The following ARHGEF7 variants were observed in gnomAD, a reference collection of about 807,000 sequenced individuals.
ARHGEF7 encodes Rho guanine nucleotide exchange factor 7.
ARHGEF7 carries 33 observed loss-of-function variants against 109.8 expected under a neutral mutation model. The observed-to-expected ratio is 0.30, with a 90% confidence interval of 0.23 to 0.40. The LOEUF is 0.40. Among genes scored for constraint, ARHGEF7 ranks in the 10% least tolerant of loss-of-function variants. The probability of loss-of-function intolerance (pLI) is 1.00; values close to 1 mark genes in which losing one functional copy is unlikely to be tolerated. For missense variants in ARHGEF7, 938 were observed against 1,098.5 expected (o/e 0.85, Z 2.07); for synonymous variants, 458 against 424.6 (o/e 1.08, Z -0.97).
chr13:111,115,619 G>C lies in ARHGEF7; in HGVS notation c.93G>C (p.Leu31=), dbSNP rs748086058. Residue 31 remains leucine, a synonymous_variant, in exon 1 of 22, where the codon CTG becomes CTC. Coordinates refer to ENST00000646102, the MANE Select transcript of ARHGEF7 (RefSeq NM_001354046.2). ...CCATCTCGGACCCGGAGGGCTTTCTGCAGGCGTCGCTGAAGGATGGGGTGG... is the reference window on the plus strand; with the variant it reads ...CCATCTCGGACCCGGAGGGCTTTCTCCAGGCGTCGCTGAAGGATGGGGTGG... ...KKTISDPEGF[L]QASLKDGVVL... 21 of 1,405,488 alleles carry C rather than the reference G, an allele frequency of 1.5e-5. No individual in the cohort carries two copies. The African/African-American group carries it at 2.4e-4, about 16-fold the overall frequency. The allele number at this position is 1,405,488 out of a possible 1,614,324, so 87.1% of individuals were successfully genotyped here. A position where few individuals can be genotyped will look rare whatever the true frequency, so the allele number is the denominator to read the frequency against.
chr13:111,208,039 A>G (rs2096321), intron 3 of ARHGEF7, among the ~76,000 whole-genome samples: 138,505 of 152,250 alleles, frequency 0.91, 63,047 homozygotes, highest in South Asian at 0.94. Flanking sequence ...GGAAGGCAAT[A>G]CCCGTACGTT....
At chr13:111,138,570 T>C (rs2075198458) in intron 1 of ARHGEF7, among the ~76,000 whole-genome samples, 1 of 152,204 alleles carries the variant, frequency 6.6e-6, no homozygotes, top group Non-Finnish European at 1.5e-5. Flanking sequence ...CCGTAGCCTC[T>C]TTCTAACTCG....
At chr13:111,295,766 T>C (rs2093413942) in intron 19 of ARHGEF7, among the ~76,000 whole-genome samples, 1 of 152,212 alleles carries the variant, frequency 6.6e-6, no homozygotes, top group African/African-American at 2.4e-5. Context: ...TGGAGAGAGA[T>C]TACTAAATCG....
chr13:111,134,102 T>C (rs1433333426), intron 1 of ARHGEF7, among the ~76,000 whole-genome samples: 2 of 152,114 alleles, frequency 1.3e-5, no homozygotes, highest in East Asian at 3.9e-4. Context: ...TTCATCCATG[T>C]CCCTACAAAG....
At chr13:111,248,668 T>A (rs568762435) in intron 8 of ARHGEF7, among the ~76,000 whole-genome samples, 1 of 152,344 alleles carries the variant, frequency 6.6e-6, no homozygotes, top group African/African-American at 2.4e-5. Flanking sequence ...GTTTGAGAAT[T>A]TTTTTCAGTT....
At chr13:111,153,877 C>T (rs1356094325) in intron 1 of ARHGEF7, 28 bp from the exon 2 acceptor site, 2 of 1,582,404 alleles carry the variant, frequency 1.3e-6, no homozygotes, top group Non-Finnish European at 1.7e-6. Flanking sequence ...CCGGCCACGG[C>T]GCTCAGCGCT....
intron 5 of ARHGEF7, among the ~76,000 whole-genome samples, chr13:111,226,091 A>G (rs976888125): frequency 3.9e-5 from 6 of 152,246 alleles, no homozygotes; most frequent in Admixed American, 6.5e-5. Context: ...AAACCACCTT[A>G]TTGCTGATAT....
intron 2 of ARHGEF7, among the ~76,000 whole-genome samples, chr13:111,156,321 G>A (rs925887536): frequency 6.6e-6 from 1 of 152,156 alleles, no homozygotes; most frequent in Non-Finnish European, 1.5e-5. Context: ...GTAAGTGATA[G>A]CAAGTGAGTT....
At chr13:111,158,401 CA>C (rs1234109885) in intron 2 of ARHGEF7, among the ~76,000 whole-genome samples, 2 of 152,176 alleles carry the variant, frequency 1.3e-5, no homozygotes, top group African/African-American at 4.8e-5. Context: ...TGTCATAGAC[CA>C]TTTCTGGAAT....
At chr13:111,201,006 T>C (rs2081154032) in intron 2 of ARHGEF7, among the ~76,000 whole-genome samples, 1 of 152,188 alleles carries the variant, frequency 6.6e-6, no homozygotes, top group South Asian at 2.1e-4. Flanking sequence ...GTCTTAAATA[T>C]TAATGAAGTT....
intron 5 of ARHGEF7, among the ~76,000 whole-genome samples, chr13:111,226,258 A>G (rs534995455): frequency 6.6e-6 from 1 of 152,338 alleles, no homozygotes; most frequent in African/African-American, 2.4e-5. Context: ...AGGTTGAAGG[A>G]AAGAAGCCGT....
At chr13:111,184,867 T>C (rs2079091284) in intron 2 of ARHGEF7, 1 of 152,776 alleles carries the variant, frequency 6.5e-6, no homozygotes, top group South Asian at 2.1e-4. Context: ...GAGAACCGGA[T>C]GGAGGGCTCT....
At chr13:111,170,986 C>G (rs763630528) in intron 2 of ARHGEF7, among the ~76,000 whole-genome samples, 2 of 152,214 alleles carry the variant, frequency 1.3e-5, no homozygotes, top group African/African-American at 2.4e-5. Context: ...AAGAAAAATG[C>G]ATGCATACCA....
rs990757854 is a variant in ARHGEF7 at position 111,280,482 on chromosome 13, G to A, written c.1586-56G>A. On this transcript the variant is annotated intron_variant, in intron 14 of 21. Transcript: ENST00000646102. Reference sequence around the variant, plus strand: ...GAGTGGAATTCTGGGGGGTGTGCACGCACGTGCTTTTTACCTGTGTTTCCA... The same window carrying A: ...GAGTGGAATTCTGGGGGGTGTGCACACACGTGCTTTTTACCTGTGTTTCCA... 10 of 1,577,072 alleles carry A rather than the reference G, an allele frequency of 6.3e-6. No homozygotes were observed. In the Admixed American group the frequency reaches 1.3e-4, roughly 20 times the overall value.
chr13:111,184,469 TA>T, intron 2 of ARHGEF7, among the ~76,000 whole-genome samples: 1 of 152,300 alleles, frequency 6.6e-6, no homozygotes, highest in Non-Finnish European at 1.5e-5. Context: ...CTGGCTTGTT[TA>T]GCACTCAGTT....
intron 1 of ARHGEF7, among the ~76,000 whole-genome samples, chr13:111,119,997 A>G (rs1440179537): frequency 6.6e-6 from 1 of 152,228 alleles, no homozygotes; most frequent in Non-Finnish European, 1.5e-5. Context: ...GTATCTCCAG[A>G]CTGTGTTTTT....
rs1595422260 is a variant in ARHGEF7, at chr13:111,273,846, G to C, written c.1106G>C (p.Gly369Ala). ...EELGEFMETK[G>A]ASSPGILVLT... ...TTGGGGGAGTTCATGGAGACCAAAG[G>C]TGCCAGCAGCCCTGGGATTCTCGTG... Residue 369 changes from glycine (G) to alanine (A), a missense_variant, in exon 10 of 22, where the codon GGT becomes GCT. This residue lies in a region of ARHGEF7 where 585 missense variants were observed against 723.6 expected (regional missense o/e 0.81). Transcript: ENST00000646102. The surrounding 1 kb of genome is among the most constrained non-coding windows in gnomAD (Gnocchi z 4.5). The C allele has an allele frequency of 3.1e-6, 5 of 1,614,174 alleles. No homozygotes were observed. The highest frequency in any genetic ancestry group is 2.2e-5 in the East Asian group (1 of 44,872).
rs1250791388 is a variant in ARHGEF7, at chr13:111,131,193, G to A, written c.165+15502G>A. ...CCCACGGTTGCCCATGGAGAGCTGTGGGAGCCTGGGCTGGAGTGGAGGCAG... is the reference window on the plus strand; with the variant it reads ...CCCACGGTTGCCCATGGAGAGCTGTAGGAGCCTGGGCTGGAGTGGAGGCAG... On this transcript the variant is annotated intron_variant, in intron 1 of 21. Transcript: ENST00000646102. The surrounding 1 kb of genome is among the most constrained non-coding windows in gnomAD (Gnocchi z 4.4). Among the ~76,000 whole-genome samples the A allele has an allele frequency of 6.6e-6, 1 of 152,170 alleles. No homozygotes were observed. The highest frequency in any genetic ancestry group is 1.9e-4 in the East Asian group (1 of 5,190).
chr13:111,154,109 C>T lies in ARHGEF7; in HGVS notation c.252+118C>T, dbSNP rs545487918. 75 of 1,079,336 alleles carry T rather than the reference C, an allele frequency of 6.9e-5. No homozygotes were observed. The African/African-American group carries it at 9.5e-4, about 14-fold the overall frequency. The allele number at this position is 1,079,336 out of a possible 1,614,324, so 66.9% of individuals were successfully genotyped here. The stretch of plus-strand genomic sequence containing the variant: ...CTCCGCGCCCGGATCCGACCCTCCC[C>T]GGCTGCTCGAGAGTCCGGGATGTGT... On this transcript the variant is annotated intron_variant, in intron 2 of 21. Coordinates refer to ENST00000646102, the MANE Select transcript of ARHGEF7 (RefSeq NM_001354046.2).
Sources: allele counts gnomAD v4.1 joint callset (sites outside exome capture counted in the v4.1 genomes callset), GRCh38; gene constraint gnomAD v4.1.1; regional missense constraint gnomAD v4.1.1; non-coding constraint Gnocchi (gnomAD v3.1); transcripts MANE v1.5; gene names NCBI Gene and HGNC (gene_info 2026-07-23, HGNC 2026-07-21).